Variants in ALDOA observed in about 807,000 individuals in gnomAD.
ALDOA encodes the protein fructose-bisphosphate aldolase A.
Under a neutral mutation model 43.9 loss-of-function variants are expected in ALDOA, and 26 were observed. That is an observed-to-expected ratio of 0.59 (90% confidence interval 0.43 to 0.82). The LOEUF (loss-of-function observed/expected upper bound fraction) is 0.82. Among genes scored for constraint, ALDOA ranks in the 40% least tolerant of loss-of-function variants. The pLI, the probability that ALDOA is intolerant of heterozygous loss-of-function variation, is 0.00. For synonymous variants in ALDOA, 258 were observed against 222.6 expected (o/e 1.16, Z -1.42); for missense variants, 498 against 549.5 (o/e 0.91, Z 0.94).
chr16:30,070,051 G>A (rs1228689182), intron 9 of ALDOA, 22 bp downstream of exon 9: 3 of 1,613,522 alleles, frequency 1.9e-6, no homozygotes, highest in Non-Finnish European at 1.7e-6. Context: ...CAGGAGGTGG[G>A]CAGGGTGCCT....
intron 1 of ALDOA, among the ~76,000 whole-genome samples, chr16:30,066,418 G>T (rs2072106648): frequency 6.6e-6 from 1 of 152,252 alleles, no homozygotes; most frequent in Non-Finnish European, 1.5e-5. Context: ...GCCCGGAACA[G>T]CTGCAGCCAT....
At position 30,069,383 on chromosome 16, in the gene ALDOA, C is replaced by A; in HGVS notation, c.780C>A (p.Thr260=). Residue 260 remains threonine, a synonymous_variant, in exon 7 of 10, where the codon ACC becomes ACA. Coordinates refer to ENST00000642816, the MANE Select transcript of ALDOA (RefSeq NM_001243177.4). ...ACTTGAAGCGCTGCCAGTATGTGAC[C>A]GAGAAGGTAAATGGCTACCTGCCTG... The part of the protein sequence containing the change: ...DHDLKRCQYV[T]EKVLAAVYKA... The A allele has an allele frequency of 6.2e-7, 1 of 1,614,130 alleles. No individual in the cohort carries two copies. The highest frequency in any genetic ancestry group is 8.5e-7 in the Non-Finnish European group (1 of 1,180,022).
chr16:30,068,468 G>C (rs2072198815), intron 4 of ALDOA, 178 bp from the exon 5 acceptor site: 4 of 710,812 alleles, frequency 5.6e-6, no homozygotes, highest in Non-Finnish European at 5.1e-6. Context: ...GGCTAAAGAA[G>C]AGGAAAGAGG....
chr16:30,066,355 A>T (rs1418215702), intron 1 of ALDOA: 1 of 152,524 alleles, frequency 6.6e-6, no homozygotes, highest in African/African-American at 2.4e-5. Context: ...GCGGTGCTTG[A>T]TGCCCCCTTA....
chr16:30,067,387 G>A, intron 3 of ALDOA, 21 bp downstream of exon 3: 2 of 1,614,062 alleles, frequency 1.2e-6, no homozygotes, highest in Admixed American at 1.7e-5. Flanking sequence ...GAGACAGAAT[G>A]GGTGGAGGGT....
chr16:30,069,899 G>GCCATTCT lies in ALDOA; in HGVS notation c.1033_1034insATTCTCC (p.Pro345HisfsTer73). 6.2e-7 allele frequency: 1 copy of GCCATTCT among 1,614,180 alleles called. No individual in the cohort carries two copies. Among genetic ancestry groups the GCCATTCT allele is most frequent in the South Asian group, 1.1e-5 (1 of 91,086 alleles). ...ATCAACCTCAATGCCATTAACAAGT[G>GCCATTCT]CCCCCTGCTGAAGCCCTGGGCCCTG... On this transcript the variant is annotated frameshift_variant, in exon 9 of 10. Transcript: ENST00000642816. LOFTEE classifies it high-confidence loss of function.
In ALDOA at chr16:30,070,269, G is replaced by A. The variant is rs2072280776; in HGVS notation, c.*57G>A. The A allele has an allele frequency of 7.7e-6, 12 of 1,565,532 alleles. No individual in the cohort carries two copies. The highest frequency in any genetic ancestry group is 3.3e-4 in the Middle Eastern group (2 of 5,976). ...CCAGGCCCTGCCCCCTCCCACTCTT[G>A]AAGAGGAGGCCGCCTCCTCGGGGCT... On this transcript the variant is annotated 3_prime_UTR_variant, in exon 10 of 10. Coordinates refer to ENST00000642816, the MANE Select transcript of ALDOA (RefSeq NM_001243177.4).
chr16:30,067,803 C>T (rs1361961256), intron 4 of ALDOA, 142 bp downstream of exon 4: 8 of 890,318 alleles, frequency 9.0e-6, no homozygotes. Context: ...ATTTACTCGA[C>T]ATTTTTAATC....
At position 30,066,977 on chromosome 16, in the gene ALDOA, T is replaced by A. The variant is rs760860128; in HGVS notation, c.80T>A (p.Val27Asp). Residue 27 changes from valine to aspartate, a missense_variant, in exon 2 of 10, where the codon GTT becomes GAT. By Grantham distance (152) the Val-to-Asp change is radical (BLOSUM62 -3). Transcript: ENST00000642816. The stretch of plus-strand genomic sequence containing the variant: ...GCTATGGCCTTTTCCTTTCCCCCAG[T>A]TGCCAGTGGGCAACTCCACCCTCAG... ...SMAMAFSFPP[V>D]ASGQLHPQLG... The A allele has an allele frequency of 2.3e-5, 36 of 1,555,948 alleles. No individual in the cohort carries two copies. The highest frequency in any genetic ancestry group is 3.1e-5 in the Non-Finnish European group (36 of 1,150,272).
chr16:30,065,268 C>T (rs1261418055), upstream of ALDOA, among the ~76,000 whole-genome samples: 1 of 152,214 alleles, frequency 6.6e-6, no homozygotes, highest in African/African-American at 2.4e-5. Flanking sequence ...CGCGCCGATT[C>T]AGCCCGCGGG....
Position 30,067,434 on chromosome 16 carries a change from C to T in ALDOA, c.275-16C>T. On this transcript the variant is annotated splice_polypyrimidine_tract_variant and intron_variant, in intron 3 of 9. Transcript: ENST00000642816. ...AGTGGCAGGCTGATCCCCTAATTCC[C>T]ATGTGACACTCCCAGGGAGCATTGC... is the stretch of plus-strand genomic sequence containing the variant. The T allele has an allele frequency of 1.2e-6, 2 of 1,613,634 alleles. No individual in the cohort carries two copies. The highest frequency in any genetic ancestry group is 1.7e-6 in the Non-Finnish European group (2 of 1,179,982).
chr16:30,066,360 C>G (rs796324300), intron 1 of ALDOA: 2 of 153,094 alleles, frequency 1.3e-5, no homozygotes, highest in Non-Finnish European at 2.9e-5. Flanking sequence ...GCTTGATGCC[C>G]CCTTAACACT....
At chr16:30,064,307 C>G (rs1368605785), upstream of ALDOA, 1 of 395,466 alleles carries the variant, frequency 2.5e-6, no homozygotes, top group African/African-American at 2.1e-5. Flanking sequence ...TCCAGAGAAT[C>G]AGAACAGCCA....
chr16:30,067,037 A>G lies in ALDOA; in HGVS notation c.140A>G (p.Lys47Arg), dbSNP rs1381124418. 1.3e-6 allele frequency: 2 copies of G among 1,578,688 alleles called. No individual in the cohort carries two copies. The highest frequency in any genetic ancestry group is 1.7e-6 in the Non-Finnish European group (2 of 1,163,344). The stretch of plus-strand genomic sequence containing the variant: ...ACCCAGCACCAGACAGAGTTAGGAA[A>G]GGTACAGGGGCAGGCCTAGCAAAGG... ...GNTQHQTELG[K>R]ELATTSTMPY... is the part of the protein sequence containing the mutation. Residue 47 changes from lysine to arginine, a missense_variant and splice_region_variant, in exon 2 of 10, where the codon AAG becomes AGG. Coordinates refer to ENST00000642816, the MANE Select transcript of ALDOA (RefSeq NM_001243177.4).
chr16:30,067,670 A>C lies in ALDOA; in HGVS notation c.486+9A>C. 1 of 1,613,964 alleles carries C rather than the reference A, an allele frequency of 6.2e-7. No homozygotes were observed. Among genetic ancestry groups the C allele is most frequent in the South Asian group, 1.1e-5 (1 of 91,072 alleles). ...GTGTTGTGGGCATCAAGGTAAGGGG[A>C]GGGCCTCCGGACGTGAGGTTTGAGA... On this transcript the variant is annotated intron_variant, in intron 4 of 9. Transcript: ENST00000642816.
Position 30,066,983 on chromosome 16 carries a change from G to GTGGGCAACTCCACCCTCAGC in ALDOA, c.95_114dup (p.Thr39SerfsTer14). The GTGGGCAACTCCACCCTCAGC allele has an allele frequency of 6.4e-7, 1 of 1,558,518 alleles. No individual in the cohort carries two copies. The highest frequency in any genetic ancestry group is 8.7e-7 in the Non-Finnish European group (1 of 1,151,828). Reference sequence around the variant, plus strand: ...GCCTTTTCCTTTCCCCCAGTTGCCAGTGGGCAACTCCACCCTCAGCTGGGC... The same window carrying GTGGGCAACTCCACCCTCAGC: ...GCCTTTTCCTTTCCCCCAGTTGCCAGTGGGCAACTCCACCCTCAGCTGGGCAACTCCACCCTCAGCTGGGC... On this transcript the variant is annotated frameshift_variant, in exon 2 of 10. Coordinates refer to ENST00000642816, the MANE Select transcript of ALDOA (RefSeq NM_001243177.4). LOFTEE classifies it high-confidence loss of function.
rs1268738540 is a variant in ALDOA at position 30,067,547 on chromosome 16, G to C, written c.372G>C (p.Val124=). Residue 124 remains valine (V), a synonymous_variant, in exon 4 of 10, where the codon GTG becomes GTC. Coordinates refer to ENST00000642816, the MANE Select transcript of ALDOA (RefSeq NM_001243177.4). ...TGCTGCTGACAGCTGACGACCGCGT[G>C]AACCCCTGCATTGGGGGTGTCATCC... ...RQLLLTADDR[V]NPCIGGVILF... 1.2e-6 allele frequency: 2 copies of C among 1,613,766 alleles called. No individual in the cohort carries two copies. The highest frequency in any genetic ancestry group is 2.2e-5 in the South Asian group (2 of 91,082).
Position 30,070,345 on chromosome 16 carries a change from T to C in ALDOA, c.*133T>C. On this transcript the variant is annotated 3_prime_UTR_variant, in exon 10 of 10. Coordinates refer to ENST00000642816, the MANE Select transcript of ALDOA (RefSeq NM_001243177.4). Reference sequence around the variant, plus strand: ...CTTCCCTCGTGACAGTGGTGTGTGGTGTCGTCTGTGAATGCTAAGTCCATC... The same window carrying C: ...CTTCCCTCGTGACAGTGGTGTGTGGCGTCGTCTGTGAATGCTAAGTCCATC... 1 of 804,684 alleles carries C rather than the reference T, an allele frequency of 1.2e-6. No homozygotes were observed. The highest frequency in any genetic ancestry group is 2.1e-6 in the Non-Finnish European group (1 of 476,396). 49.8% of individuals were successfully genotyped at this position (804,684 alleles called of 1,614,324 possible). A position where few individuals can be genotyped will look rare whatever the true frequency, so the allele number is the denominator to read the frequency against.
chr16:30,069,468 C>G (rs760900489), intron 7 of ALDOA, 31 bp from the exon 8 acceptor site: 3 of 1,614,096 alleles, frequency 1.9e-6, no homozygotes, highest in Non-Finnish European at 2.5e-6. Context: ...TCCTCCACCC[C>G]ACTACCCACC....
Sources: gnomAD v4.1 joint callset for allele counts (sites outside exome capture counted in the v4.1 genomes callset) on GRCh38, gnomAD v4.1.1 for gene constraint, MANE v1.5 for transcripts, NCBI Gene and HGNC (gene_info 2026-07-23, HGNC 2026-07-21) for gene names.